The following MAP4K3 variants were observed in gnomAD, a reference collection of about 807,000 sequenced individuals.
MAP4K3 encodes mitogen-activated protein kinase kinase kinase kinase 3.
MAP4K3 carries 94 observed loss-of-function variants against 143.5 expected under a neutral mutation model. The observed-to-expected ratio is 0.65, with a 90% CI of 0.55 to 0.78. The LOEUF is 0.78. Ranked by LOEUF, MAP4K3 falls within the 30% of genes least tolerant of loss-of-function variation. The pLI is 0.00. For missense variants in MAP4K3, 1,077 were observed against 1,068.1 expected (o/e 1.01, Z -0.12); for synonymous variants, 416 against 347.2 (o/e 1.20, Z -2.20).
chr2:39,400,338 T>C (rs1666920014), intron 1 of MAP4K3, among the ~76,000 whole-genome samples: 1 of 152,254 alleles, frequency 6.6e-6, no homozygotes, highest in Non-Finnish European at 1.5e-5. Flanking sequence ...TCACATTTAT[T>C]AGCATAAGTT....
chr2:39,414,562 C>A (rs1488792579), intron 1 of MAP4K3, among the ~76,000 whole-genome samples: 1 of 152,112 alleles, frequency 6.6e-6, no homozygotes, highest in African/African-American at 2.4e-5. Context: ...GCCTACTATG[C>A]CTCAATTCTC....
chr2:39,398,362 A>G lies in MAP4K3; in HGVS notation c.97-20239T>C, dbSNP rs369849334. ...TGATATAACGAGAGAGCTCCATGGA[A>G]TAAAAATAAAGAAACCAGGGTGCAA... On this transcript the variant is annotated intron_variant, in intron 1 of 33. Coordinates refer to ENST00000263881, the MANE Select transcript of MAP4K3 (RefSeq NM_003618.4). Among the ~76,000 whole-genome samples, 21 of 152,246 alleles carry G rather than the reference A, an allele frequency of 1.4e-4. No individual in the cohort carries two copies. In the East Asian group the frequency reaches 2.1e-3, roughly 15 times the overall value.
chr2:39,367,662 T>C (rs749446460), intron 2 of MAP4K3, among the ~76,000 whole-genome samples: 18 of 152,092 alleles, frequency 1.2e-4, no homozygotes, highest in Admixed American at 7.2e-4. Context: ...TCCCAGATAT[T>C]TGGGGGACTG....
chr2:39,395,472 T>G (rs1019680255), intron 1 of MAP4K3, among the ~76,000 whole-genome samples: 1 of 152,206 alleles, frequency 6.6e-6, no homozygotes, highest in African/African-American at 2.4e-5. Context: ...CTTCTGAAAC[T>G]CTTCTGTTAT....
chr2:39,352,159 C>G (rs569592653), intron 3 of MAP4K3, among the ~76,000 whole-genome samples: 1 of 151,946 alleles, frequency 6.6e-6, no homozygotes, highest in African/African-American at 2.4e-5. Flanking sequence ...GGTGTGGTAG[C>G]GTGCGCCCGT....
chr2:39,307,580 T>C lies in MAP4K3; in HGVS notation c.1119+363A>G, dbSNP rs368153604. Among the ~76,000 whole-genome samples the C allele has an allele frequency of 3.3e-5, 5 of 151,970 alleles. No individual in the cohort carries two copies. In the East Asian group the frequency reaches 9.7e-4, roughly 29 times the overall value. On this transcript the variant is annotated intron_variant, in intron 15 of 33. Transcript: ENST00000263881. Reference sequence around the variant, plus strand: ...TACCATATAACATATGAATTGTTTATATATATACATGTGGATGGGTGGTTT... The same window carrying C: ...TACCATATAACATATGAATTGTTTACATATATACATGTGGATGGGTGGTTT...
In MAP4K3 at chr2:39,328,896, T is replaced by C. The variant is rs554610302; in HGVS notation, c.531-2619A>G. Among the ~76,000 whole-genome samples the C allele has an allele frequency of 2.0e-5, 3 of 152,312 alleles. No homozygotes were observed. The South Asian group carries it at 6.2e-4, about 32-fold the overall frequency. ...TTAAATTGAAATAAAATGTTTAAGG[T>C]ACATATGTGTTTAATTTTGAGAACT... On this transcript the variant is annotated intron_variant, in intron 8 of 33. Coordinates refer to ENST00000263881, the MANE Select transcript of MAP4K3 (RefSeq NM_003618.4).
At chr2:39,309,177 A>G (rs1438731589) in intron 14 of MAP4K3, among the ~76,000 whole-genome samples, 1 of 152,128 alleles carries the variant, frequency 6.6e-6, no homozygotes, top group African/African-American at 2.4e-5. Flanking sequence ...AGGCTACAGT[A>G]CAGTAGTGCT....
intron 26 of MAP4K3, among the ~76,000 whole-genome samples, chr2:39,268,541 G>A (rs576096461): frequency 1.1e-3 from 168 of 151,646 alleles, no homozygotes; most frequent in Non-Finnish European, 1.7e-3. Context: ...AGCTGGTCTC[G>A]GACTCCTGAG....
chr2:39,330,311 C>A (rs1192714582), intron 8 of MAP4K3, among the ~76,000 whole-genome samples: 2 of 152,112 alleles, frequency 1.3e-5, no homozygotes, highest in African/African-American at 4.8e-5. Context: ...ACACCATGGG[C>A]ACCACAGAAG....
intron 3 of MAP4K3, among the ~76,000 whole-genome samples, chr2:39,353,507 A>C (rs1018644652): frequency 6.6e-6 from 1 of 152,204 alleles, no homozygotes; most frequent in African/African-American, 2.4e-5. Flanking sequence ...ACTGAAAAAA[A>C]TGATCCTACT....
intron 1 of MAP4K3, among the ~76,000 whole-genome samples, chr2:39,400,888 T>C (rs1213721523): frequency 6.6e-6 from 1 of 152,076 alleles, no homozygotes; most frequent in African/African-American, 2.4e-5. Flanking sequence ...ACAAAACATA[T>C]AACACTTAGT....
At chr2:39,391,646 A>C (rs571046494) in intron 1 of MAP4K3, among the ~76,000 whole-genome samples, 4 of 152,302 alleles carry the variant, frequency 2.6e-5, no homozygotes, top group Non-Finnish European at 5.9e-5. Context: ...CTGGAAGACA[A>C]CAGGTGCTCA....
At chr2:39,263,836 T>G (rs1680667531) in intron 28 of MAP4K3, among the ~76,000 whole-genome samples, 1 of 152,166 alleles carries the variant, frequency 6.6e-6, no homozygotes, top group Non-Finnish European at 1.5e-5. Flanking sequence ...TTTTTAAGCG[T>G]CCTATGTCTT....
chr2:39,437,114 C>G lies in MAP4K3; in HGVS notation c.-127G>C. On this transcript the variant is annotated 5_prime_UTR_variant, in exon 1 of 34. Coordinates refer to ENST00000263881, the MANE Select transcript of MAP4K3 (RefSeq NM_003618.4). The stretch of plus-strand genomic sequence containing the variant: ...CGGCGGTCACAATCACCCGGCTCCA[C>G]GCTGCGGCCGCCGCCGCCGCCGCCG... The G allele has an allele frequency of 1.8e-6, 1 of 555,506 alleles. No homozygotes were observed. Among genetic ancestry groups the G allele is most frequent in the South Asian group, 3.4e-5 (1 of 29,372 alleles). The allele number at this position is 555,506 out of a possible 1,614,324, so 34.4% of individuals were successfully genotyped here.
At chr2:39,419,156 A>G (rs927271978) in intron 1 of MAP4K3, among the ~76,000 whole-genome samples, 9 of 152,196 alleles carry the variant, frequency 5.9e-5, no homozygotes, top group Non-Finnish European at 4.4e-5. Context: ...ACTTAAAAAG[A>G]TAAGTTTAAC....
At chr2:39,271,423 AAAG>A (rs1443144749) in intron 26 of MAP4K3, among the ~76,000 whole-genome samples, 3 of 152,232 alleles carry the variant, frequency 2.0e-5, no homozygotes, top group African/African-American at 7.2e-5. Flanking sequence ...ATATTATAAA[AAAG>A]AATAGGCATA....
intron 16 of MAP4K3, among the ~76,000 whole-genome samples, chr2:39,297,806 CA>C (rs1682344467): frequency 6.6e-6 from 1 of 152,184 alleles, no homozygotes; most frequent in Non-Finnish European, 1.5e-5. Context: ...AACTTTTGGC[CA>C]ACCTACCTTG....
chr2:39,406,907 A>G (rs1013091726), intron 1 of MAP4K3, among the ~76,000 whole-genome samples: 6 of 152,222 alleles, frequency 3.9e-5, no homozygotes, highest in African/African-American at 1.4e-4. Context: ...AATTGAGGCT[A>G]GCATTATTCT....
Sources: allele counts gnomAD v4.1 joint callset (sites outside exome capture counted in the v4.1 genomes callset), GRCh38; gene constraint gnomAD v4.1.1; transcripts MANE v1.5; gene names NCBI Gene and HGNC (gene_info 2026-07-23, HGNC 2026-07-21).